The following TRPM7 variants were observed in gnomAD, a reference collection of about 807,000 sequenced individuals.
TRPM7 encodes the protein transient receptor potential cation channel subfamily M member 7, also known as LTRPC ion channel family member 7.
A neutral mutation model predicts 229.7 loss-of-function variants in TRPM7; 134 were observed. That is an observed-to-expected ratio of 0.58 (90% CI 0.51 to 0.67). The LOEUF (loss-of-function observed/expected upper bound fraction) is 0.67, where lower values mean the gene tolerates loss of function less well. Ranked by LOEUF, TRPM7 falls within the 30% of genes least tolerant of loss-of-function variation. TRPM7 has a pLI of 0.00. For synonymous variants in TRPM7, 699 were observed against 715.2 expected (o/e 0.98, Z 0.36); for missense variants, 1,901 against 2,210.0 (o/e 0.86, Z 2.80).
At chr15:50,617,068 T>TCA (rs1349263777) in intron 13 of TRPM7, among the ~76,000 whole-genome samples, 2 of 151,580 alleles carry the variant, frequency 1.3e-5, no homozygotes, top group African/African-American at 4.9e-5. Flanking sequence ...GGTGGGTGGA[T>TCA]CACCTGAGGT....
intron 3 of TRPM7, among the ~76,000 whole-genome samples, chr15:50,653,144 C>T (rs2061470638): frequency 6.6e-6 from 1 of 152,056 alleles, no homozygotes. Context: ...ACCCTGTTTC[C>T]CCACTCCCCC....
chr15:50,603,980 T>A (rs965960028), intron 21 of TRPM7: 1 of 152,196 alleles, frequency 6.6e-6, no homozygotes, highest in African/African-American at 2.4e-5. Flanking sequence ...TGTCTCTGAA[T>A]AGTGATTTGT....
chr15:50,580,835 G>A, intron 30 of TRPM7, 39 bp downstream of exon 30: 2 of 1,565,090 alleles, frequency 1.3e-6, no homozygotes, highest in Non-Finnish European at 1.7e-6. Context: ...CAATAACTAT[G>A]ATACTTCGCA....
At chr15:50,577,436 A>G (rs942677639) in intron 31 of TRPM7, among the ~76,000 whole-genome samples, 3 of 151,960 alleles carry the variant, frequency 2.0e-5, no homozygotes, top group African/African-American at 7.3e-5. Flanking sequence ...AATCCCAGCT[A>G]CTCGGGAGGC....
chr15:50,665,485 G>C (rs2061856738), intron 1 of TRPM7, among the ~76,000 whole-genome samples: 1 of 151,560 alleles, frequency 6.6e-6, no homozygotes, highest in South Asian at 2.1e-4. Flanking sequence ...CATACTCACT[G>C]ATCACAATGC....
chr15:50,631,912 T>A (rs1261867535), intron 9 of TRPM7, among the ~76,000 whole-genome samples: 1 of 152,208 alleles, frequency 6.6e-6, no homozygotes, highest in Non-Finnish European at 1.5e-5. Flanking sequence ...TCTTGAAAGA[T>A]AAATGTTTGT....
intron 7 of TRPM7, 77 bp from the exon 8 acceptor site, chr15:50,634,633 A>T: frequency 9.7e-7 from 1 of 1,033,450 alleles, no homozygotes; most frequent in East Asian, 3.2e-5. Context: ...AATTAGGCAA[A>T]ATTCAGTACT....
At chr15:50,621,396 T>C (rs2060403170) in intron 12 of TRPM7, among the ~76,000 whole-genome samples, 2 of 152,156 alleles carry the variant, frequency 1.3e-5, no homozygotes, top group African/African-American at 4.8e-5. Context: ...TCCTACTCTA[T>C]TAAATGTTTA....
At chr15:50,591,595 C>T (rs1453687846) in intron 26 of TRPM7, among the ~76,000 whole-genome samples, 1 of 151,620 alleles carries the variant, frequency 6.6e-6, no homozygotes, top group East Asian at 1.9e-4. Flanking sequence ...CTTCTGGGTG[C>T]AAGCAGTTCG....
intron 10 of TRPM7, among the ~76,000 whole-genome samples, chr15:50,630,408 T>C (rs1420439788): frequency 6.6e-6 from 1 of 152,174 alleles, no homozygotes; most frequent in Non-Finnish European, 1.5e-5. Flanking sequence ...CTACACTAAC[T>C]TTCAGGTAGA....
intron 27 of TRPM7, among the ~76,000 whole-genome samples, chr15:50,589,131 G>C (rs143478383): frequency 6.6e-6 from 1 of 152,196 alleles, no homozygotes; most frequent in East Asian, 1.9e-4. Context: ...AGGCCAGCCT[G>C]GACAACATGG....
chr15:50,619,214 CTTTT>C (rs892472680), intron 13 of TRPM7, among the ~76,000 whole-genome samples: 4 of 147,736 alleles, frequency 2.7e-5, no homozygotes, highest in South Asian at 2.2e-4. Flanking sequence ...AGCTCAACAG[CTTTT>C]TTTTCTTTTT....
intron 6 of TRPM7, among the ~76,000 whole-genome samples, 177 bp downstream of exon 6, chr15:50,639,247 T>C (rs774325088): frequency 1.2e-4 from 18 of 152,334 alleles, no homozygotes; most frequent in Non-Finnish European, 1.6e-4. Context: ...TTTATAGTTA[T>C]GAATTATTTA....
intron 1 of TRPM7, among the ~76,000 whole-genome samples, chr15:50,672,377 T>A (rs2062009134): frequency 6.6e-6 from 1 of 151,680 alleles, no homozygotes; most frequent in Non-Finnish European, 1.5e-5. Context: ...TTTTTTTTTT[T>A]AACTGTAAAA....
intron 1 of TRPM7, among the ~76,000 whole-genome samples, chr15:50,671,421 A>G (rs1057405661): frequency 2.6e-5 from 4 of 152,202 alleles, no homozygotes; most frequent in African/African-American, 9.6e-5. Context: ...TCCTTTGTGC[A>G]TACTGTCATG....
chr15:50,583,568 G>A (rs2054531192), intron 28 of TRPM7, among the ~76,000 whole-genome samples: 1 of 138,992 alleles, frequency 7.2e-6, no homozygotes, highest in African/African-American at 2.7e-5. Context: ...TAAACTTTAA[G>A]CTTAGAGTTT....
At chr15:50,623,705 G>GT (rs1004856106) in intron 12 of TRPM7, among the ~76,000 whole-genome samples, 14 of 151,466 alleles carry the variant, frequency 9.2e-5, no homozygotes, top group African/African-American at 2.7e-4. Context: ...TACGAGAATA[G>GT]TAAGTTTTCA....
chr15:50,643,639 T>C (rs1379839525), intron 4 of TRPM7, 86 bp from the exon 5 acceptor site: 5 of 995,076 alleles, frequency 5.0e-6, no homozygotes, highest in Non-Finnish European at 7.6e-6. Flanking sequence ...GAAAATTTTA[T>C]ATGAATCAGA....
At chr15:50,673,017 A>G (rs1430770043) in intron 1 of TRPM7, among the ~76,000 whole-genome samples, 2 of 151,832 alleles carry the variant, frequency 1.3e-5, no homozygotes, top group Non-Finnish European at 2.9e-5. Flanking sequence ...AAAAGTTTTA[A>G]AATGTTTACA....
Sources: gnomAD v4.1 joint callset for allele counts (sites outside exome capture counted in the v4.1 genomes callset) on GRCh38, gnomAD v4.1.1 for gene constraint, MANE v1.5 for transcripts, NCBI Gene and HGNC (gene_info 2026-07-23, HGNC 2026-07-21) for gene names.